CASQ2: variants seen among roughly 807,000 people sequenced by gnomAD.
CASQ2 encodes calsequestrin 2.
A neutral mutation model predicts 46.5 loss-of-function variants in CASQ2; 49 were observed. The ratio of observed to expected loss-of-function variants is 1.05; its 90% CI spans 0.84 to 1.34. CASQ2 has a LOEUF of 1.34. Among genes scored for constraint, CASQ2 ranks in the 40% most tolerant of loss-of-function variants. The probability of loss-of-function intolerance (pLI) is 0.00; values close to 1 mark genes in which losing one functional copy is unlikely to be tolerated. For synonymous variants in CASQ2, 174 were observed against 168.5 expected, an observed-to-expected ratio of 1.03 and a Z score of -0.25; for missense variants, 486 against 481.3, an observed-to-expected ratio of 1.01 and a Z score of -0.09.
intron 8 of CASQ2, among the ~76,000 whole-genome samples, chr1:115,708,823 G>C (rs1413861112): frequency 2.6e-5 from 4 of 152,268 alleles, no homozygotes; most frequent in Non-Finnish European, 5.9e-5. Context: ...AGGCAGTCTT[G>C]GATCCACGTG....
intron 1 of CASQ2, among the ~76,000 whole-genome samples, chr1:115,751,504 T>TA (rs5777246): frequency 0.44 from 66,210 of 151,040 alleles, 14,705 homozygotes; most frequent in East Asian, 0.56. Context: ...CCATCTCTGC[T>TA]AAAAAAAATA....
chr1:115,719,330 C>T (rs1291187877), intron 7 of CASQ2, among the ~76,000 whole-genome samples: 1 of 152,140 alleles, frequency 6.6e-6, no homozygotes, highest in African/African-American at 2.4e-5. Flanking sequence ...TTGCTATTAT[C>T]GCCAGACAGA....
intron 4 of CASQ2, among the ~76,000 whole-genome samples, chr1:115,735,773 T>G (rs1647934469): frequency 6.6e-6 from 1 of 152,204 alleles, no homozygotes; most frequent in Non-Finnish European, 1.5e-5. Context: ...AGAAAAGTGA[T>G]AGCTGTCAGA....
chr1:115,714,374 C>T (rs975426562), intron 8 of CASQ2, among the ~76,000 whole-genome samples: 7 of 152,192 alleles, frequency 4.6e-5, no homozygotes, highest in Non-Finnish European at 7.3e-5. Flanking sequence ...CTAAAACTCA[C>T]GTTCCTCATC....
chr1:115,730,962 A>C (rs1570822174), intron 5 of CASQ2, among the ~76,000 whole-genome samples: 1 of 152,210 alleles, frequency 6.6e-6, no homozygotes, highest in East Asian at 1.9e-4. Flanking sequence ...CTGAGGCTCT[A>C]CCAGGTGCAG....
At chr1:115,740,674 C>T (rs969509130) in intron 3 of CASQ2, 54 bp downstream of exon 3, 3 of 1,113,752 alleles carry the variant, frequency 2.7e-6, no homozygotes, top group Non-Finnish European at 4.1e-6. Flanking sequence ...TCTATCTCTC[C>T]CTATATTTGA....
rs141531836 is a variant in CASQ2 at position 115,705,648 on chromosome 1, G to A, written c.839-356C>T. ...TCCTGTGCGATCTCTTGAAACAGAT[G>A]CTTTGCTGTCCCCTAGAGTCCCCAA... is the stretch of plus-strand genomic sequence containing the variant. On this transcript the variant is annotated intron_variant, in intron 8 of 10. Transcript: ENST00000261448. Among the ~76,000 whole-genome samples the A allele has an allele frequency of 2.2e-4, 34 of 152,276 alleles. No individual in the cohort carries two copies. In the East Asian group the frequency reaches 5.6e-3, roughly 25 times the overall value.
chr1:115,751,395 C>T (rs1330573925), intron 1 of CASQ2, among the ~76,000 whole-genome samples: 1 of 149,492 alleles, frequency 6.7e-6, no homozygotes, highest in African/African-American at 2.5e-5. Context: ...TAGGGCCGGG[C>T]GCGGTGGCTC....
chr1:115,712,358 T>C (rs764987220), intron 8 of CASQ2, among the ~76,000 whole-genome samples: 1 of 152,126 alleles, frequency 6.6e-6, no homozygotes, highest in Non-Finnish European at 1.5e-5. Flanking sequence ...GATCCCAGAA[T>C]TGGTGAAAAA....
intron 5 of CASQ2, among the ~76,000 whole-genome samples, chr1:115,732,440 C>T (rs879263573): frequency 1.3e-5 from 2 of 152,206 alleles, no homozygotes; most frequent in Non-Finnish European, 2.9e-5. Flanking sequence ...CGTCCCTTCC[C>T]TGCTTCAGCT....
At chr1:115,744,803 A>T in intron 2 of CASQ2, 25 bp downstream of exon 2, 1 of 1,515,974 alleles carries the variant, frequency 6.6e-7, no homozygotes. Flanking sequence ...TTTCCCACAT[A>T]CAGTATCTCA....
At chr1:115,721,277 G>A (rs1390674817) in intron 7 of CASQ2, among the ~76,000 whole-genome samples, 1 of 152,094 alleles carries the variant, frequency 6.6e-6, no homozygotes, top group African/African-American at 2.4e-5. Flanking sequence ...GTCTCCAGGG[G>A]GAATGACAGA....
At chr1:115,762,801 T>G (rs1441128986) in intron 1 of CASQ2, among the ~76,000 whole-genome samples, 1 of 152,142 alleles carries the variant, frequency 6.6e-6, no homozygotes, top group Non-Finnish European at 1.5e-5. Context: ...ATAAAGGTCT[T>G]GGAGTTAGGG....
At chr1:115,717,239 T>C (rs1315439437) in intron 8 of CASQ2, among the ~76,000 whole-genome samples, 3 of 152,256 alleles carry the variant, frequency 2.0e-5, no homozygotes, top group Non-Finnish European at 4.4e-5. Flanking sequence ...CTGGTATTTC[T>C]TCATAGCAAT....
intron 8 of CASQ2, among the ~76,000 whole-genome samples, chr1:115,712,899 G>T (rs1431212586): frequency 6.6e-6 from 1 of 151,452 alleles, no homozygotes. Flanking sequence ...TGTTAAATTT[G>T]GTAAACCAAA....
At chr1:115,701,643 G>T (rs1198319833) in intron 10 of CASQ2, among the ~76,000 whole-genome samples, 1 of 152,160 alleles carries the variant, frequency 6.6e-6, no homozygotes, top group East Asian at 1.9e-4. Context: ...TTGCCCAGTG[G>T]AATATATATG....
chr1:115,758,698 T>C (rs1203641089), intron 1 of CASQ2, among the ~76,000 whole-genome samples: 1 of 152,188 alleles, frequency 6.6e-6, no homozygotes, highest in Non-Finnish European at 1.5e-5. Context: ...GAGTTGGTTG[T>C]TAAAAAGAGC....
intron 3 of CASQ2, among the ~76,000 whole-genome samples, chr1:115,739,528 A>G (rs1202226519): frequency 6.6e-6 from 1 of 152,220 alleles, no homozygotes; most frequent in Non-Finnish European, 1.5e-5. Flanking sequence ...CCCAATAAGG[A>G]CAGATTTGCT....
rs1365306173 is a variant in CASQ2 at position 115,757,225 on chromosome 1, T to A, written c.234+11083A>T. Among the ~76,000 whole-genome samples, 7 of 152,290 alleles carry A rather than the reference T, an allele frequency of 4.6e-5. No individual in the cohort carries two copies. The East Asian group carries it at 9.7e-4, about 21-fold the overall frequency. On this transcript the variant is annotated intron_variant, in intron 1 of 10. Coordinates refer to ENST00000261448, the MANE Select transcript of CASQ2 (RefSeq NM_001232.4). ...TTTTACAACTAGCATTTCTGTTCTT[T>A]TACCGTCTCACTCCAAGGATCCCCT...
Sources: gnomAD v4.1 joint callset for allele counts (sites outside exome capture counted in the v4.1 genomes callset) on GRCh38, gnomAD v4.1.1 for gene constraint, MANE v1.5 for transcripts, NCBI Gene and HGNC (gene_info 2026-07-23, HGNC 2026-07-21) for gene names.